SERGEF: variants seen among roughly 807,000 people sequenced by gnomAD.
SERGEF encodes secretion regulating guanine nucleotide exchange factor, also known as secretion-regulating guanine nucleotide exchange factor.
Under a neutral mutation model 50.0 loss-of-function variants are expected in SERGEF, and 51 were observed. The ratio of observed to expected loss-of-function variants is 1.02; its 90% CI spans 0.81 to 1.29. SERGEF has a LOEUF of 1.29. SERGEF is among the 50% of genes most tolerant of loss of function. The pLI is 0.00. For synonymous variants in SERGEF, 205 were observed against 212.4 expected (o/e 0.97, Z 0.30); for missense variants, 521 against 557.0 (o/e 0.94, Z 0.65).
chr11:17,795,578 C>T (rs1175021269), intron 10 of SERGEF, among the ~76,000 whole-genome samples: 1 of 152,206 alleles, frequency 6.6e-6, no homozygotes, highest in Non-Finnish European at 1.5e-5. Flanking sequence ...CCTGAGTAGT[C>T]TGTCTCTCAT....
At chr11:17,898,977 C>G (rs1851696108) in intron 9 of SERGEF, among the ~76,000 whole-genome samples, 1 of 152,128 alleles carries the variant, frequency 6.6e-6, no homozygotes, top group Non-Finnish European at 1.5e-5. Flanking sequence ...ATCGTGAGAG[C>G]TGGTTGTTTA....
At chr11:17,885,807 C>T (rs1216273518) in intron 9 of SERGEF, among the ~76,000 whole-genome samples, 1 of 152,196 alleles carries the variant, frequency 6.6e-6, no homozygotes, top group East Asian at 1.9e-4. Context: ...TACCATTCTC[C>T]CTTCTCCATA....
At chr11:17,824,754 A>C (rs1369719878) in intron 10 of SERGEF, among the ~76,000 whole-genome samples, 1 of 152,108 alleles carries the variant, frequency 6.6e-6, no homozygotes, top group East Asian at 1.9e-4. Flanking sequence ...GCATCTCATA[A>C]TGATATGTCA....
intron 9 of SERGEF, among the ~76,000 whole-genome samples, chr11:17,926,033 A>T (rs1852242645): frequency 6.6e-6 from 1 of 152,202 alleles, no homozygotes; most frequent in Non-Finnish European, 1.5e-5. Context: ...ATTCACTGAG[A>T]GCCTACTAGG....
chr11:17,927,947 C>G (rs1486059147), intron 9 of SERGEF, among the ~76,000 whole-genome samples: 1 of 152,214 alleles, frequency 6.6e-6, no homozygotes, highest in Non-Finnish European at 1.5e-5. Context: ...TTAGAAGCAG[C>G]TGGCTAGTAG....
chr11:17,887,373 T>TG (rs1851449367), intron 9 of SERGEF, among the ~76,000 whole-genome samples: 1 of 152,222 alleles, frequency 6.6e-6, no homozygotes, highest in South Asian at 2.1e-4. Context: ...AGTAAAGGCA[T>TG]GCCACCAAGT....
At chr11:17,938,636 T>C (rs1043687650) in intron 9 of SERGEF, among the ~76,000 whole-genome samples, 2 of 152,164 alleles carry the variant, frequency 1.3e-5, no homozygotes, top group African/African-American at 4.8e-5. Context: ...ACTTTAGTTA[T>C]TAAGTTGTCA....
chr11:17,791,215 T>G (rs2094013503), intron 10 of SERGEF, among the ~76,000 whole-genome samples: 1 of 152,246 alleles, frequency 6.6e-6, no homozygotes, highest in South Asian at 2.1e-4. Context: ...TTATATAGCA[T>G]TGCTATGAAC....
chr11:17,881,063 A>C (rs1851325000), intron 9 of SERGEF, among the ~76,000 whole-genome samples: 1 of 152,248 alleles, frequency 6.6e-6, no homozygotes, highest in African/African-American at 2.4e-5. Context: ...AAGGAGACTG[A>C]GGCTCATACA....
intron 9 of SERGEF, among the ~76,000 whole-genome samples, chr11:17,911,211 A>G (rs986754792): frequency 1.3e-5 from 2 of 151,444 alleles, no homozygotes; most frequent in Admixed American, 6.6e-5. Flanking sequence ...TCATTTTACA[A>G]ATGAGAAAAA....
intron 10 of SERGEF, among the ~76,000 whole-genome samples, chr11:17,809,557 A>G (rs1373191411): frequency 6.6e-6 from 1 of 152,174 alleles, no homozygotes; most frequent in Non-Finnish European, 1.5e-5. Flanking sequence ...CTAAACACTT[A>G]GACTGAGTGG....
intron 9 of SERGEF, among the ~76,000 whole-genome samples, chr11:17,902,992 CA>C (rs1366777388): frequency 6.6e-6 from 1 of 152,190 alleles, no homozygotes; most frequent in Non-Finnish European, 1.5e-5. Flanking sequence ...ATGCCTTTTC[CA>C]AATTAAGAGT....
intron 9 of SERGEF, among the ~76,000 whole-genome samples, chr11:17,954,091 G>A (rs1852818211): frequency 6.6e-6 from 1 of 152,132 alleles, no homozygotes; most frequent in Non-Finnish European, 1.5e-5. Flanking sequence ...GGCCTGCCTG[G>A]GCCCATGGTC....
chr11:17,828,375 G>A (rs535726362), intron 10 of SERGEF, among the ~76,000 whole-genome samples: 3 of 152,304 alleles, frequency 2.0e-5, no homozygotes, highest in East Asian at 1.9e-4. Flanking sequence ...GAGTCTTTCC[G>A]AGAAGAGCCT....
intron 10 of SERGEF, among the ~76,000 whole-genome samples, chr11:17,802,131 C>T (rs1849681376): frequency 6.6e-6 from 1 of 152,206 alleles, no homozygotes; most frequent in Non-Finnish European, 1.5e-5. Flanking sequence ...CAGAGCTCCT[C>T]TCCTGAAGCA....
chr11:17,911,074 G>A (rs1457820006), intron 9 of SERGEF, among the ~76,000 whole-genome samples: 1 of 152,160 alleles, frequency 6.6e-6, no homozygotes, highest in Non-Finnish European at 1.5e-5. Flanking sequence ...TGGGGCACAT[G>A]AGATGAATAA....
At chr11:17,961,061 A>C (rs1397000757) in intron 8 of SERGEF, among the ~76,000 whole-genome samples, 1 of 152,162 alleles carries the variant, frequency 6.6e-6, no homozygotes, top group African/African-American at 2.4e-5. Flanking sequence ...TCTCCCCAGA[A>C]AGGGTGAAAG....
At chr11:17,924,878 T>G (rs1321831734) in intron 9 of SERGEF, among the ~76,000 whole-genome samples, 1 of 152,134 alleles carries the variant, frequency 6.6e-6, no homozygotes, top group Non-Finnish European at 1.5e-5. Flanking sequence ...TAGAGGAGCA[T>G]GAATATGGAA....
rs375457666 is a variant in SERGEF at position 18,008,085 on chromosome 11, G to GT, written c.61-10_61-9insA. The GT allele has an allele frequency of 2.8e-4, 450 of 1,609,924 alleles. 1 individual carries two copies. In the African/African-American group the frequency reaches 5.3e-3, roughly 19 times the overall value. On this transcript the variant is annotated splice_polypyrimidine_tract_variant and intron_variant, in intron 1 of 10. Transcript: ENST00000265965. ...CCATAGCTATTTGCACCCTAGGGAT[G>GT]AATAAGCCAAGGATGAAAAAGTGTG...
Sources: gnomAD v4.1 joint callset for allele counts (sites outside exome capture counted in the v4.1 genomes callset) on GRCh38, gnomAD v4.1.1 for gene constraint, MANE v1.5 for transcripts, NCBI Gene and HGNC (gene_info 2026-07-23, HGNC 2026-07-21) for gene names.